FLG2: variants seen among roughly 807,000 people sequenced by gnomAD.
FLG2 encodes the protein filaggrin 2.
Under a neutral mutation model 3.9 loss-of-function variants are expected in FLG2, and 7 were observed. The ratio of observed to expected loss-of-function variants is 1.79; its 90% CI spans 1.02 to 3.36. The LOEUF is 3.36. Among genes scored for constraint, FLG2 ranks in the 30% most tolerant of loss-of-function variants. The pLI is 0.00. For synonymous variants in FLG2, 1,031 were observed against 1,056.1 expected, an observed-to-expected ratio of 0.98 and a Z score of 0.46; for missense variants, 2,700 against 2,809.4, an observed-to-expected ratio of 0.96 and a Z score of 0.88.
chr1:152,350,484 T>C lies in FLG2; in HGVS notation c.*126A>G. The stretch of plus-strand genomic sequence containing the variant: ...ATTCCTGACTTCTTATAATAATAGG[T>C]CGAGACTGATACTGAGAATCAACTG... On this transcript the variant is annotated 3_prime_UTR_variant, in exon 3 of 3. Coordinates refer to ENST00000388718, the MANE Select transcript of FLG2 (RefSeq NM_001014342.3). 1 of 1,226,158 alleles carries C rather than the reference T, an allele frequency of 8.2e-7. No homozygotes were observed. Among genetic ancestry groups the C allele is most frequent in the East Asian group, 2.5e-5 (1 of 39,958 alleles). The allele number at this position is 1,226,158 out of a possible 1,614,324, so 76.0% of individuals were successfully genotyped here. A position where few individuals can be genotyped will look rare whatever the true frequency, so the allele number is the denominator to read the frequency against.
rs749750186 is a variant in FLG2 at position 152,351,902 on chromosome 1, C to G, written c.5884G>C (p.Glu1962Gln). The change falls in exon 3 of 3, where the codon GAA (glutamate) becomes CAA (glutamine). Residue 1962 changes from glutamate (E) to glutamine (Q), a missense_variant. By Grantham distance (29) the Glu-to-Gln change is conservative. Coordinates refer to ENST00000388718, the MANE Select transcript of FLG2 (RefSeq NM_001014342.3). ...GTGTGTGAGACCCCTGAGGGCCCTTCACTGTCACTGTACTCACTGTGGCCA... is the reference window on the plus strand; with the variant it reads ...GTGTGTGAGACCCCTGAGGGCCCTTGACTGTCACTGTACTCACTGTGGCCA... The part of the protein sequence containing the change: ...GSGHSEYSDS[E>Q]GPSGVSHTHS... 6.2e-7 allele frequency: 1 copy of G among 1,613,874 alleles called. No homozygotes were observed. Among genetic ancestry groups the G allele is most frequent in the Admixed American group, 1.7e-5 (1 of 59,998 alleles).
Position 152,352,885 on chromosome 1 carries a change from C to A in FLG2, c.4901G>T (p.Gly1634Val). The change falls in exon 3 of 3, where the codon GGT (glycine) becomes GTT (valine). Residue 1634 changes from glycine to valine, a missense_variant. Coordinates refer to ENST00000388718, the MANE Select transcript of FLG2 (RefSeq NM_001014342.3). Reference sequence around the variant, plus strand: ...CCCTCTCTGTGTGGACTGTCCATGACCAGAGTGGGAATGTCCAGTGGTATC... The same window carrying A: ...CCCTCTCTGTGTGGACTGTCCATGAACAGAGTGGGAATGTCCAGTGGTATC... Reference protein sequence around the residue: ...IGDTTGHSHSGHGQSTQRGSR... With the variant: ...IGDTTGHSHSVHGQSTQRGSR... 6.2e-7 allele frequency: 1 copy of A among 1,611,794 alleles called. No individual in the cohort carries two copies. The highest frequency in any genetic ancestry group is 8.5e-7 in the Non-Finnish European group (1 of 1,179,376).
Position 152,352,628 on chromosome 1 carries a change from T to A in FLG2, c.5158A>T (p.Thr1720Ser). 6.2e-7 allele frequency: 1 copy of A among 1,614,056 alleles called. No individual in the cohort carries two copies. Among genetic ancestry groups the A allele is most frequent in the Non-Finnish European group, 8.5e-7 (1 of 1,179,986 alleles). ...HGLTTQTGSR[T>S]TGRRGSGHSE... ...TGGCCAGATCCCCTTCTTCCAGTAGTCCTGGACCCTGTCTGTGTGGTTAAT... is the reference window on the plus strand; with the variant it reads ...TGGCCAGATCCCCTTCTTCCAGTAGACCTGGACCCTGTCTGTGTGGTTAAT... Residue 1720 changes from threonine to serine, a missense_variant, in exon 3 of 3, where the codon ACT becomes TCT. By Grantham distance (58) the Thr-to-Ser change is moderately conservative (BLOSUM62 1). Transcript: ENST00000388718.
chr1:152,352,907 T>A lies in FLG2; in HGVS notation c.4879A>T (p.Thr1627Ser), dbSNP rs747946138. Reference sequence around the variant, plus strand: ...TGACCAGAGTGGGAATGTCCAGTGGTATCTCCTATCTGTCCATGAGTAGTT... The same window carrying A: ...TGACCAGAGTGGGAATGTCCAGTGGAATCTCCTATCTGTCCATGAGTAGTT... ...HGTTHGQIGD[T>S]TGHSHSGHGQ... is the part of the protein sequence containing the mutation. Residue 1627 changes from threonine (T) to serine (S), a missense_variant, in exon 3 of 3, where the codon ACC (threonine) becomes TCC (serine). Thr to Ser is a moderately conservative substitution (Grantham distance 58). Transcript: ENST00000388718. 15 of 1,613,584 alleles carry A rather than the reference T, an allele frequency of 9.3e-6. No homozygotes were observed. In the South Asian group the frequency reaches 1.3e-4, roughly 14 times the overall value.
In FLG2 at chr1:152,354,723, C is replaced by T; in HGVS notation, c.3063G>A (p.Gln1021=). The T allele has an allele frequency of 3.1e-6, 5 of 1,613,848 alleles. No individual in the cohort carries two copies. The highest frequency in any genetic ancestry group is 4.2e-6 in the Non-Finnish European group (5 of 1,179,964). ...ACCTGTGTTGTCCAAAGCCAGTTGT[C>T]TGTCCTGAACTAGACCCATGTTGAC... The part of the protein sequence containing the change: ...GYGQHGSSSG[Q]TTGFGQHRSS... The change falls in exon 3 of 3, where the codon CAG becomes CAA. Residue 1021 remains glutamine, a synonymous_variant. Transcript: ENST00000388718.
Position 152,353,798 on chromosome 1 carries a change from C to G in FLG2, c.3988G>C (p.Gly1330Arg), listed in dbSNP as rs1183887983. ...CTGGAACCTGTCTGTGTAGACTGTC[C>G]ATGACCAGAATGGCCATGTCTAGTG... ...DTTRHGHSGH[G>R]QSTQTGSRTS... The change falls in exon 3 of 3, where the codon GGA becomes CGA. Residue 1330 changes from glycine to arginine, a missense_variant. Coordinates refer to ENST00000388718, the MANE Select transcript of FLG2 (RefSeq NM_001014342.3). The G allele has an allele frequency of 6.2e-7, 1 of 1,613,892 alleles. No homozygotes were observed. Among genetic ancestry groups the G allele is most frequent in the Non-Finnish European group, 8.5e-7 (1 of 1,179,988 alleles).
At position 152,355,462 on chromosome 1, in the gene FLG2, G is replaced by T; in HGVS notation, c.2324C>A (p.Ser775Tyr). The change falls in exon 3 of 3, where the codon TCT becomes TAT. Residue 775 changes from serine (S) to tyrosine (Y), a missense_variant. Transcript: ENST00000388718. ...SGQSSYGQHS[S>Y]GSSQSSGYGQ... The stretch of plus-strand genomic sequence containing the variant: ...ATAGCCAGATGACTGACTTGAGCCA[G>T]AACTGTGTTGGCCATAGCTAGACTG... 6.2e-7 allele frequency: 1 copy of T among 1,612,340 alleles called. No homozygotes were observed. The highest frequency in any genetic ancestry group is 8.5e-7 in the Non-Finnish European group (1 of 1,179,672).
In FLG2 at chr1:152,353,852, C is replaced by G. The variant is rs974089568; in HGVS notation, c.3934G>C (p.Gly1312Arg). Residue 1312 changes from glycine to arginine, a missense_variant, in exon 3 of 3, where the codon GGA (glycine) becomes CGA (arginine). By Grantham distance (125) the Gly-to-Arg change is moderately radical. Transcript: ENST00000388718. Reference protein sequence around the residue: ...KSGSTVRRRQGTTHGQRGDTT... With the variant: ...KSGSTVRRRQRTTHGQRGDTT... The stretch of plus-strand genomic sequence containing the variant: ...TCTCCTCTCTGTCCATGAGTAGTTC[C>G]TTGTCTTCTGCGAACTGTGGATCCT... The G allele has an allele frequency of 3.7e-6, 6 of 1,613,988 alleles. No homozygotes were observed. Among genetic ancestry groups the G allele is most frequent in the Admixed American group, 1.7e-5 (1 of 60,002 alleles).
chr1:152,359,814 A>C (rs898920581), intron 1 of FLG2, 142 bp downstream of exon 1: 3 of 152,236 alleles, frequency 2.0e-5, no homozygotes, highest in Admixed American at 2.0e-4. Flanking sequence ...AAGCAAACAA[A>C]AAGAAAAGAA....
intron 2 of FLG2, among the ~76,000 whole-genome samples, chr1:152,358,543 G>A (rs1299570393): frequency 6.6e-6 from 1 of 152,162 alleles, no homozygotes; most frequent in Non-Finnish European, 1.5e-5. Flanking sequence ...TGAGGTAGGA[G>A]TGCATAGGTG....
In FLG2 at chr1:152,355,894, T is replaced by C. The variant is rs1654205121; in HGVS notation, c.1892A>G (p.Tyr631Cys). Reference sequence around the variant, plus strand: ...TGTCTGTCTAGACCCATGTTGGCCATAGCCAGATGACTGACTTGAGCCAGA... The same window carrying C: ...TGTCTGTCTAGACCCATGTTGGCCACAGCCAGATGACTGACTTGAGCCAGA... ...HSSGSSQSSG[Y>C]GQHGSRQTSG... is the part of the protein sequence containing the mutation. The change falls in exon 3 of 3, where the codon TAT becomes TGT. Residue 631 changes from tyrosine (Y) to cysteine (C), a missense_variant. Tyr to Cys is a radical substitution (Grantham distance 194). Coordinates refer to ENST00000388718, the MANE Select transcript of FLG2 (RefSeq NM_001014342.3). 6.2e-7 allele frequency: 1 copy of C among 1,611,434 alleles called. No individual in the cohort carries two copies. The highest frequency in any genetic ancestry group is 1.4e-5 in the African/African-American group (1 of 73,594).
Position 152,357,388 on chromosome 1 carries a change from C to G in FLG2, c.398G>C (p.Ser133Thr), listed in dbSNP as rs1654284667. ...TCCATGCTCCTCTCCCTCACTCCAA[C>G]TTGAATGTCTGTAACCTGATTTATG... ...PGHKSGYRHS[S>T]WSEGEEHGYS... Residue 133 changes from serine (S) to threonine (T), a missense_variant, in exon 3 of 3, where the codon AGT (serine) becomes ACT (threonine). By Grantham distance (58) the Ser-to-Thr change is moderately conservative. Transcript: ENST00000388718. 5 of 1,614,196 alleles carry G rather than the reference C, an allele frequency of 3.1e-6. No individual in the cohort carries two copies. The highest frequency in any genetic ancestry group is 2.2e-5 in the East Asian group (1 of 44,886).
chr1:152,357,617 T>C lies in FLG2; in HGVS notation c.169A>G (p.Ile57Val), dbSNP rs2101682407. ...TGATCTCGATCCAGCATATGCATGA[T>C]GACATCCACTGTGTCTGGATCATCT... The part of the protein sequence containing the change: ...NPDDPDTVDV[I>V]MHMLDRDHDR... Residue 57 changes from isoleucine to valine, a missense_variant, in exon 3 of 3, where the codon ATC becomes GTC. By Grantham distance (29) the Ile-to-Val change is conservative. Transcript: ENST00000388718. 6.2e-7 allele frequency: 1 copy of C among 1,613,660 alleles called. No individual in the cohort carries two copies. Among genetic ancestry groups the C allele is most frequent in the South Asian group, 1.1e-5 (1 of 91,012 alleles).
Position 152,352,931 on chromosome 1 carries a change from T to A in FLG2, c.4855A>T (p.Thr1619Ser). The change falls in exon 3 of 3, where the codon ACT (threonine) becomes TCT (serine). Residue 1619 changes from threonine to serine, a missense_variant. Coordinates refer to ENST00000388718, the MANE Select transcript of FLG2 (RefSeq NM_001014342.3). ...PEFTVHERHG[T>S]THGQIGDTTG... ...GTATCTCCTATCTGTCCATGAGTAG[T>A]TCCGTGTCTCTCATGAACTGTGAAT... The A allele has an allele frequency of 6.2e-7, 1 of 1,613,710 alleles. No homozygotes were observed. Among genetic ancestry groups the A allele is most frequent in the Non-Finnish European group, 8.5e-7 (1 of 1,179,916 alleles).
At position 152,352,122 on chromosome 1, in the gene FLG2, C is replaced by A. The variant is rs547068744; in HGVS notation, c.5664G>T (p.Val1888=). The A allele has an allele frequency of 1.9e-5, 31 of 1,613,582 alleles. No individual in the cohort carries two copies. The highest frequency in any genetic ancestry group is 3.3e-5 in the Admixed American group (2 of 59,942). ...AATGTGTATGTGAGCCCCCTGAGTG[C>A]ACTTCACTGTCACTGGACTCACTGT... is the stretch of plus-strand genomic sequence containing the variant. The part of the protein sequence containing the change: ...SGHSESSDSE[V]HSGGSHTHSG... Residue 1888 remains valine, a synonymous_variant, in exon 3 of 3, where the codon GTG becomes GTT. Transcript: ENST00000388718.
At position 152,356,642 on chromosome 1, in the gene FLG2, G is replaced by T. The variant is rs1654246082; in HGVS notation, c.1144C>A (p.Gln382Lys). ...TGSSQSSCCG[Q>K]YGSGGSQSCS... ...GACTGGCTACCTCCAGACCCATATT[G>T]TCCACAGCAAGAGGACTGACTTGAG... The change falls in exon 3 of 3, where the codon CAA becomes AAA. Residue 382 changes from glutamine to lysine, a missense_variant. Gln to Lys is a moderately conservative substitution (Grantham distance 53). Transcript: ENST00000388718. The T allele has an allele frequency of 6.2e-7, 1 of 1,614,180 alleles. No individual in the cohort carries two copies. The highest frequency in any genetic ancestry group is 8.5e-7 in the Non-Finnish European group (1 of 1,180,020).
At position 152,358,909 on chromosome 1, in the gene FLG2, G is replaced by A; in HGVS notation, c.-22-3C>T. The A allele has an allele frequency of 6.3e-7, 1 of 1,596,784 alleles. No individual in the cohort carries two copies. Among genetic ancestry groups the A allele is most frequent in the Non-Finnish European group, 8.5e-7 (1 of 1,174,376 alleles). On this transcript the variant is annotated splice_polypyrimidine_tract_variant and splice_region_variant and intron_variant, in intron 1 of 2. Coordinates refer to ENST00000388718, the MANE Select transcript of FLG2 (RefSeq NM_001014342.3). ...TCTTTTTGCAAGTTTAAGTGAACCTGGACACAGAAAAACAAAGAACCCTAT... is the reference window on the plus strand; with the variant it reads ...TCTTTTTGCAAGTTTAAGTGAACCTAGACACAGAAAAACAAAGAACCCTAT...
rs1205604340 is a variant in FLG2 at position 152,355,185 on chromosome 1, C to G, written c.2601G>C (p.Gln867His). The G allele has an allele frequency of 3.8e-6, 6 of 1,570,916 alleles. 1 individual carries two copies. The highest frequency in any genetic ancestry group is 5.2e-6 in the Non-Finnish European group (6 of 1,158,354). ...GYGQHGSSSG[Q>H]TSGFGQHRSS... ...ACCTGTGTTGTCCAAAGCCAGATGT[C>G]TGTCCCGAACTTGACCCATGTTGAC... The change falls in exon 3 of 3, where the codon CAG (glutamine) becomes CAC (histidine). Residue 867 changes from glutamine to histidine, a missense_variant. By Grantham distance (24) the Gln-to-His change is conservative (BLOSUM62 0). Coordinates refer to ENST00000388718, the MANE Select transcript of FLG2 (RefSeq NM_001014342.3).
chr1:152,358,716 G>A lies in FLG2; in HGVS notation c.138+31C>T, dbSNP rs375012411. On this transcript the variant is annotated intron_variant, in intron 2 of 2. Transcript: ENST00000388718. ...ACAACAGAGCTTGTACAGGACTCCA[G>A]CAGCCTTCAGTTCTGGCACATGGCT... The A allele has an allele frequency of 2.3e-5, 37 of 1,604,284 alleles. No homozygotes were observed. In the African/African-American group the frequency reaches 4.4e-4, roughly 19 times the overall value.
Sources: gnomAD v4.1 joint callset for allele counts (sites outside exome capture counted in the v4.1 genomes callset) on GRCh38, gnomAD v4.1.1 for gene constraint, MANE v1.5 for transcripts, NCBI Gene and HGNC (gene_info 2026-07-23, HGNC 2026-07-21) for gene names.